Variants in LIPM observed in about 807,000 individuals in gnomAD.
LIPM encodes lipase family member M.
A neutral mutation model predicts 42.4 loss-of-function variants in LIPM; 42 were observed. The observed-to-expected ratio is 0.99, with a 90% confidence interval of 0.77 to 1.28. LIPM has a LOEUF of 1.28. LIPM is among the 50% of genes most tolerant of loss of function. LIPM has a pLI of 0.00. For synonymous variants in LIPM, 177 were observed against 173.3 expected (o/e 1.02, Z -0.17); for missense variants, 524 against 520.1 (o/e 1.01, Z -0.07).
intron 1 of LIPM, among the ~76,000 whole-genome samples, chr10:88,804,054 C>T (rs1229209459): frequency 6.6e-6 from 1 of 152,178 alleles, no homozygotes; most frequent in Non-Finnish European, 1.5e-5. Flanking sequence ...ATTTAAGACC[C>T]TTTCTACAGA....
chr10:88,808,464 A>G, intron 2 of LIPM, 49 bp downstream of exon 2: 1 of 1,065,184 alleles, frequency 9.4e-7, no homozygotes, highest in Non-Finnish European at 1.4e-6. Flanking sequence ...CTCTGCAGTC[A>G]CGATTTCCTT....
intron 1 of LIPM, among the ~76,000 whole-genome samples, chr10:88,804,929 C>T (rs544668837): frequency 1.1e-4 from 17 of 152,306 alleles, no homozygotes; most frequent in South Asian, 2.1e-4. Flanking sequence ...ATTACCGGCT[C>T]ACCCTTGAAT....
Position 88,817,890 on chromosome 10 carries a change from C to A in LIPM, c.996C>A (p.Cys332Ter). ...GTGAGACCAAAAATCTGGAAAAATGCAATCAGGTAAGAAAATCAAATACCA... is the reference window on the plus strand; with the variant it reads ...GTGAGACCAAAAATCTGGAAAAATGAAATCAGGTAAGAAAATCAAATACCA... ...WGSETKNLEK[C>*]NQPTPVRYRV... The change falls in exon 8 of 9, where the codon TGC (cysteine) becomes TGA (stop). Residue 332 changes from cysteine to a stop codon, truncating the protein, a stop_gained. Coordinates refer to ENST00000404743, the MANE Select transcript of LIPM (RefSeq NM_001128215.1). LOFTEE classifies it low-confidence loss of function (END_TRUNC). 1 of 1,550,424 alleles carries A rather than the reference C, an allele frequency of 6.4e-7. No individual in the cohort carries two copies. The highest frequency in any genetic ancestry group is 8.7e-7 in the Non-Finnish European group (1 of 1,146,010).
intron 1 of LIPM, among the ~76,000 whole-genome samples, chr10:88,804,145 T>C (rs1843560122): frequency 1.3e-5 from 2 of 152,212 alleles, no homozygotes; most frequent in African/African-American, 2.4e-5. Context: ...AGGTTTCTTT[T>C]GACTATTCAA....
chr10:88,808,165 A>T, intron 1 of LIPM, 133 bp from the exon 2 acceptor site: 2 of 599,328 alleles, frequency 3.3e-6, no homozygotes, highest in Non-Finnish European at 6.1e-6. Context: ...TTTCTAAGGT[A>T]ACATGATTAG....
intron 1 of LIPM, among the ~76,000 whole-genome samples, chr10:88,807,624 A>C (rs867583748): frequency 1.2e-4 from 19 of 152,128 alleles, no homozygotes; most frequent in African/African-American, 4.1e-4. Flanking sequence ...ATGCAAAACC[A>C]TGTTTTTGTA....
intron 1 of LIPM, among the ~76,000 whole-genome samples, chr10:88,806,990 A>G (rs1843596594): frequency 6.6e-6 from 1 of 150,712 alleles, no homozygotes; most frequent in Non-Finnish European, 1.5e-5. Flanking sequence ...TGCCCGGCCT[A>G]TACATTTTTT....
chr10:88,817,240 C>G (rs1843728424), intron 7 of LIPM, among the ~76,000 whole-genome samples: 1 of 152,106 alleles, frequency 6.6e-6, no homozygotes, highest in African/African-American at 2.4e-5. Flanking sequence ...CAAGTAGAAA[C>G]AAAAATGCTA....
At chr10:88,814,359 A>T (rs1843691616) in intron 3 of LIPM, among the ~76,000 whole-genome samples, 171 bp from the exon 4 acceptor site, 1 of 152,218 alleles carries the variant, frequency 6.6e-6, no homozygotes, top group South Asian at 2.1e-4. Context: ...CTCCAGAGGC[A>T]CCCATGCTTC....
At position 88,808,358 on chromosome 10, in the gene LIPM, G is replaced by A; in HGVS notation, c.208G>A (p.Gly70Arg). Residue 70 changes from glycine to arginine, a missense_variant, in exon 2 of 9, where the codon GGG (glycine) becomes AGG (arginine). Gly to Arg is a moderately radical substitution (Grantham distance 125, BLOSUM62 -2). Coordinates refer to ENST00000404743, the MANE Select transcript of LIPM (RefSeq NM_001128215.1). ...GGAATATGAAGTCGCAACTGAAGAT[G>A]GGTATATCCTTTCTGTTAACAGGAT... is the stretch of plus-strand genomic sequence containing the variant. Reference protein sequence around the residue: ...CEEYEVATEDGYILSVNRIPR... With the variant: ...CEEYEVATEDRYILSVNRIPR... The A allele has an allele frequency of 1.3e-6, 2 of 1,551,564 alleles. No individual in the cohort carries two copies. The highest frequency in any genetic ancestry group is 1.2e-5 in the South Asian group (1 of 84,042).
At chr10:88,810,289 C>T (rs1258386982) in intron 2 of LIPM, among the ~76,000 whole-genome samples, 2 of 152,186 alleles carry the variant, frequency 1.3e-5, no homozygotes, top group Admixed American at 6.5e-5. Flanking sequence ...TTCTTCCAAG[C>T]AGTCGAGTGA....
intron 1 of LIPM, chr10:88,805,987 G>T (rs1330182847): frequency 1.8e-5 from 8 of 456,504 alleles, no homozygotes; most frequent in Non-Finnish European, 8.8e-6. Flanking sequence ...AGATGACCAG[G>T]CCTTTAGACC....
chr10:88,815,568 C>T, intron 6 of LIPM, 65 bp downstream of exon 6: 1 of 1,392,482 alleles, frequency 7.2e-7, no homozygotes, highest in African/African-American at 1.4e-5. Context: ...TGGCTCACCC[C>T]TGGAGGGAGA....
At chr10:88,804,155 A>G (rs1430321166) in intron 1 of LIPM, among the ~76,000 whole-genome samples, 3 of 152,214 alleles carry the variant, frequency 2.0e-5, no homozygotes, top group African/African-American at 7.2e-5. Context: ...TGACTATTCA[A>G]TGATTAGGTG....
Position 88,816,849 on chromosome 10 carries a change from G to T in LIPM, c.892G>T (p.Ala298Ser). 1.3e-6 allele frequency: 2 copies of T among 1,551,480 alleles called. No homozygotes were observed. The highest frequency in any genetic ancestry group is 2.4e-5 in the South Asian group (2 of 84,062). ...AAGTGTATATGCTGCCCACACTCTTGCTGGAACATCTGTGCAAAATATTCT... is the reference window on the plus strand; with the variant it reads ...AAGTGTATATGCTGCCCACACTCTTTCTGGAACATCTGTGCAAAATATTCT... The part of the protein sequence containing the change: ...RASVYAAHTL[A>S]GTSVQNILHW... Residue 298 changes from alanine (A) to serine (S), a missense_variant, in exon 7 of 9, where the codon GCT (alanine) becomes TCT (serine). Coordinates refer to ENST00000404743, the MANE Select transcript of LIPM (RefSeq NM_001128215.1).
rs61740492 is a variant in LIPM at position 88,815,200 on chromosome 10, G to A, written c.687G>A (p.Leu229=). Residue 229 remains leucine (L), a synonymous_variant, in exon 5 of 9, where the codon TTG becomes TTA. Transcript: ENST00000404743. ...KHAKSPGTKF[L]LLPDMMIKGL... ...CAAAAAGCCCCGGGACCAAATTTTTGTTGCTGCCAGATATGATGATCAAGG... is the reference window on the plus strand; with the variant it reads ...CAAAAAGCCCCGGGACCAAATTTTTATTGCTGCCAGATATGATGATCAAGG... 2.2e-5 allele frequency: 34 copies of A among 1,551,718 alleles called. No individual in the cohort carries two copies. The highest frequency in any genetic ancestry group is 2.7e-5 in the African/African-American group (2 of 72,998).
At chr10:88,813,637 T>TA (rs905335656) in intron 3 of LIPM, among the ~76,000 whole-genome samples, 13 of 150,134 alleles carry the variant, frequency 8.7e-5, no homozygotes, top group South Asian at 8.4e-4. Context: ...CAGGCAGCAT[T>TA]AAAAAAAAAG....
chr10:88,808,020 A>G (rs999029587), intron 1 of LIPM, among the ~76,000 whole-genome samples: 4 of 152,180 alleles, frequency 2.6e-5, no homozygotes, highest in Non-Finnish European at 5.9e-5. Flanking sequence ...GTTTGGTTGG[A>G]ATTTGCATAT....
intron 1 of LIPM, among the ~76,000 whole-genome samples, chr10:88,805,697 C>G (rs1471055651): frequency 1.3e-5 from 2 of 152,152 alleles, no homozygotes; most frequent in East Asian, 3.9e-4. Flanking sequence ...TTTAAATACC[C>G]TTCTACAACA....
Sources: gnomAD v4.1 joint callset for allele counts (sites outside exome capture counted in the v4.1 genomes callset) on GRCh38, gnomAD v4.1.1 for gene constraint, MANE v1.5 for transcripts, NCBI Gene and HGNC (gene_info 2026-07-23, HGNC 2026-07-21) for gene names.